Variants in R3HDM1 observed in about 807,000 individuals in gnomAD.
R3HDM1 encodes the protein R3H domain-containing protein 1.
R3HDM1 carries 46 observed loss-of-function variants against 141.1 expected under a neutral mutation model. That is an observed-to-expected ratio of 0.33 (90% CI 0.26 to 0.42). The LOEUF is 0.42. Ranked by LOEUF, R3HDM1 falls within the 10% of genes least tolerant of loss-of-function variation. The pLI is 1.00. For missense variants in R3HDM1, 1,184 were observed against 1,368.3 expected, an observed-to-expected ratio of 0.87 and a Z score of 2.12; for synonymous variants, 435 against 472.9, an observed-to-expected ratio of 0.92 and a Z score of 1.04.
chr2:135,650,913 T>G, intron 17 of R3HDM1: 1 of 985,450 alleles, frequency 1.0e-6, no homozygotes, highest in Non-Finnish European at 1.2e-6. Context: ...TGGTATATTT[T>G]ATTGCCAGTC....
chr2:135,618,300 A>G (rs995902213), intron 5 of R3HDM1, among the ~76,000 whole-genome samples: 1 of 151,512 alleles, frequency 6.6e-6, no homozygotes, highest in Admixed American at 6.6e-5. Context: ...AGCTGGAATT[A>G]TAGGCACCCG....
At chr2:135,713,651 A>C (rs1022144882) in intron 23 of R3HDM1, among the ~76,000 whole-genome samples, 2 of 152,232 alleles carry the variant, frequency 1.3e-5, no homozygotes, top group Non-Finnish European at 2.9e-5. Context: ...AAAGAATAAG[A>C]TAAACCTACT....
chr2:135,642,303 TG>T (rs1386557534), intron 15 of R3HDM1, among the ~76,000 whole-genome samples: 8 of 152,022 alleles, frequency 5.3e-5, no homozygotes, highest in Non-Finnish European at 8.8e-5. Flanking sequence ...AAAAAAAAAT[TG>T]GGGGGAGTCA....
chr2:135,590,467 T>G (rs993910816), intron 1 of R3HDM1: 1 of 823,106 alleles, frequency 1.2e-6, no homozygotes, highest in Non-Finnish European at 1.5e-6. Context: ...AAGAAACCCA[T>G]GGGTTAAATA....
chr2:135,698,333 G>T (rs1416093132), intron 21 of R3HDM1, among the ~76,000 whole-genome samples: 1 of 151,624 alleles, frequency 6.6e-6, no homozygotes, highest in Non-Finnish European at 1.5e-5. Flanking sequence ...CTAATTTTTT[G>T]TATTTTTAGT....
intron 21 of R3HDM1, among the ~76,000 whole-genome samples, chr2:135,702,847 T>C (rs1481989017): frequency 1.3e-5 from 2 of 151,946 alleles, no homozygotes; most frequent in African/African-American, 4.8e-5. Context: ...GAGATCTCAG[T>C]CTAGGAACAG....
chr2:135,538,748 G>A (rs1386975756), intron 1 of R3HDM1, among the ~76,000 whole-genome samples: 1 of 152,084 alleles, frequency 6.6e-6, no homozygotes, highest in African/African-American at 2.4e-5. Context: ...CAAGTAGCTG[G>A]GTCTACAGGT....
intron 3 of R3HDM1, among the ~76,000 whole-genome samples, chr2:135,614,629 T>C (rs759003650): frequency 2.0e-5 from 3 of 152,240 alleles, no homozygotes; most frequent in Non-Finnish European, 2.9e-5. Context: ...AGGATTTACA[T>C]TGACAGTTAA....
chr2:135,705,732 A>G (rs2074811186), intron 21 of R3HDM1, among the ~76,000 whole-genome samples: 1 of 152,338 alleles, frequency 6.6e-6, no homozygotes, highest in African/African-American at 2.4e-5. Context: ...CATGGCTTCA[A>G]TTCCAAAACA....
chr2:135,651,603 T>C (rs71417574), intron 17 of R3HDM1, 127 bp from the exon 18 acceptor site: 2 of 1,317,286 alleles, frequency 1.5e-6, no homozygotes, highest in Admixed American at 3.0e-5. Context: ...ATAATTGCTG[T>C]TGTTGATATA....
intron 23 of R3HDM1, among the ~76,000 whole-genome samples, chr2:135,715,035 T>C (rs115642683): frequency 1.8e-3 from 267 of 152,324 alleles, no homozygotes; most frequent in African/African-American, 6.2e-3. Context: ...GAAAAATGGA[T>C]GTATGAATGC....
chr2:135,616,049 A>T, intron 3 of R3HDM1, 103 bp from the exon 4 acceptor site: 2 of 1,123,166 alleles, frequency 1.8e-6, no homozygotes, highest in Non-Finnish European at 2.6e-6. Flanking sequence ...CACTTTTCAT[A>T]CTTTATGCAC....
chr2:135,603,186 C>T (rs907638629), intron 2 of R3HDM1, among the ~76,000 whole-genome samples: 14 of 152,044 alleles, frequency 9.2e-5, no homozygotes, highest in African/African-American at 2.2e-4. Context: ...GATGGGGTTT[C>T]GCCATGTTGG....
At chr2:135,568,930 C>G (rs1224048918) in intron 1 of R3HDM1, 1 of 151,708 alleles carries the variant, frequency 6.6e-6, no homozygotes, top group African/African-American at 2.4e-5. Context: ...CCCCCACCCC[C>G]ACCTCAGGAA....
intron 1 of R3HDM1, among the ~76,000 whole-genome samples, chr2:135,564,207 T>C (rs6745309): frequency 7.2e-5 from 11 of 152,338 alleles, no homozygotes; most frequent in South Asian, 2.1e-4. Flanking sequence ...ACCTAGACAG[T>C]AAGTTATATG....
chr2:135,539,602 A>AT (rs1220252973), intron 1 of R3HDM1, among the ~76,000 whole-genome samples: 9 of 152,128 alleles, frequency 5.9e-5, no homozygotes, highest in Non-Finnish European at 1.3e-4. Flanking sequence ...AAAGCGAGTC[A>AT]TATACATTTT....
chr2:135,561,396 A>T (rs1200035187), intron 1 of R3HDM1: 1 of 898,652 alleles, frequency 1.1e-6, no homozygotes, highest in Non-Finnish European at 1.3e-6. Context: ...GAGAAAACAG[A>T]ATAAAATAGC....
chr2:135,717,612 T>C (rs542201404), intron 24 of R3HDM1, among the ~76,000 whole-genome samples: 1 of 152,268 alleles, frequency 6.6e-6, no homozygotes, highest in South Asian at 2.1e-4. Flanking sequence ...ACCTATTGGG[T>C]ACTATGCTTA....
At chr2:135,666,920 TTA>T in intron 19 of R3HDM1, 1 of 159,226 alleles carries the variant, frequency 6.3e-6, no homozygotes, top group Non-Finnish European at 8.3e-6. Context: ...TGGCTCATCT[TTA>T]AAAAAAAAAA....
Sources: gnomAD v4.1 joint callset for allele counts (sites outside exome capture counted in the v4.1 genomes callset) on GRCh38, gnomAD v4.1.1 for gene constraint, MANE v1.5 for transcripts, NCBI Gene and HGNC (gene_info 2026-07-23, HGNC 2026-07-21) for gene names.